Variants in NUAK1 observed in about 807,000 individuals in gnomAD.
NUAK1 encodes NUAK family kinase 1.
In NUAK1, 26 loss-of-function variants were observed where a neutral mutation model predicts 56.9. The ratio of observed to expected loss-of-function variants is 0.46; its 90% CI spans 0.33 to 0.63. NUAK1 has a LOEUF of 0.63. Ranked by LOEUF, NUAK1 falls within the 30% of genes least tolerant of loss-of-function variation. The probability of loss-of-function intolerance (pLI) is 0.02; values close to 1 mark genes in which losing one functional copy is unlikely to be tolerated. For synonymous variants in NUAK1, 337 were observed against 336.0 expected (o/e 1.00, Z -0.03); for missense variants, 727 against 876.1 (o/e 0.83, Z 2.15).
chr12:106,067,147 T>C lies in NUAK1; in HGVS notation c.1641A>G (p.Thr547=), dbSNP rs1592846416. The change falls in exon 7 of 7, where the codon ACA becomes ACG. Residue 547 remains threonine (T), a synonymous_variant. Transcript: ENST00000261402. This position sits in a 1 kb window ranked among gnomAD's most constrained non-coding sequence, Gnocchi z 6.0. ...DPALVSPEMP[T]LESLSEPGVP... is the part of the protein sequence containing the mutation. ...CACCAGGCTCTGACAGGGATTCCAG[T>C]GTGGGCATTTCAGGGCTGACCAGGG... is the stretch of plus-strand genomic sequence containing the variant. The C allele has an allele frequency of 1.2e-6, 2 of 1,613,918 alleles. No homozygotes were observed. The highest frequency in any genetic ancestry group is 1.7e-6 in the Non-Finnish European group (2 of 1,179,990).
chr12:106,086,357 G>A (rs775991693), intron 3 of NUAK1, among the ~76,000 whole-genome samples: 1 of 152,132 alleles, frequency 6.6e-6, no homozygotes, highest in African/African-American at 2.4e-5. Context: ...GGTCATTGGT[G>A]TCTCCATTTT....
intron 1 of NUAK1, among the ~76,000 whole-genome samples, chr12:106,120,878 G>GCCT (rs1323555444): frequency 2.0e-4 from 30 of 152,162 alleles, no homozygotes; most frequent in African/African-American, 6.8e-4. Context: ...GGCATGGATG[G>GCCT]GGCCACCTTC....
chr12:106,119,858 C>A (rs2032955789), intron 1 of NUAK1, among the ~76,000 whole-genome samples: 1 of 152,260 alleles, frequency 6.6e-6, no homozygotes, highest in African/African-American at 2.4e-5. Flanking sequence ...GTTTTCACTA[C>A]CTTCAAGGAA....
rs749572189 is a variant in NUAK1 at position 106,070,846 on chromosome 12, C to T, written c.760G>A (p.Asp254Asn). The stretch of plus-strand genomic sequence containing the variant: ...ATGAGGTTTTTGTGATCGAAACCAT[C>T]GAAGGGCATTGTTCCATAAACAAGA... ...YTLVYGTMPF[D>N]GFDHKNLIRQ... Residue 254 changes from aspartate (D) to asparagine (N), a missense_variant, in exon 6 of 7, where the codon GAT becomes AAT. Asp to Asn is a conservative substitution (Grantham distance 23). Coordinates refer to ENST00000261402, the MANE Select transcript of NUAK1 (RefSeq NM_014840.3). The T allele has an allele frequency of 3.1e-6, 5 of 1,614,156 alleles. No individual in the cohort carries two copies. The highest frequency in any genetic ancestry group is 1.7e-5 in the Admixed American group (1 of 60,022).
At chr12:106,116,899 G>A (rs1490765842) in intron 1 of NUAK1, among the ~76,000 whole-genome samples, 4 of 152,232 alleles carry the variant, frequency 2.6e-5, no homozygotes, top group Non-Finnish European at 4.4e-5. Flanking sequence ...GGGAGGGGCT[G>A]GGAGGCATGT....
chr12:106,131,677 T>C (rs540273302), intron 1 of NUAK1, among the ~76,000 whole-genome samples: 8 of 152,354 alleles, frequency 5.3e-5, no homozygotes, highest in Non-Finnish European at 5.9e-5. Context: ...CTAATAATAA[T>C]GCTCTATAGA....
chr12:106,082,047 C>G (rs2032523199), intron 4 of NUAK1, among the ~76,000 whole-genome samples: 1 of 152,238 alleles, frequency 6.6e-6, no homozygotes, highest in African/African-American at 2.4e-5. Flanking sequence ...TGGCCAGCCA[C>G]TTAAGAAGGC....
At chr12:106,082,777 A>G (rs1291972115) in intron 4 of NUAK1, among the ~76,000 whole-genome samples, 1 of 152,162 alleles carries the variant, frequency 6.6e-6, no homozygotes, top group African/African-American at 2.4e-5. Context: ...AGAGAATCCC[A>G]ACACCAAAGC....
chr12:106,126,039 T>C (rs1288844291), intron 1 of NUAK1, among the ~76,000 whole-genome samples: 1 of 152,172 alleles, frequency 6.6e-6, no homozygotes, highest in Non-Finnish European at 1.5e-5. Flanking sequence ...TCTGTCTTAA[T>C]TGATACTGAG....
intron 6 of NUAK1, among the ~76,000 whole-genome samples, chr12:106,068,347 C>T (rs2032366779): frequency 6.6e-6 from 1 of 152,214 alleles, no homozygotes; most frequent in Non-Finnish European, 1.5e-5. Flanking sequence ...AGAGGAAAAA[C>T]AGGTGTAGAT....
rs1360805230 is a variant in NUAK1 at position 106,138,312 on chromosome 12, T to C, written c.240+102A>G. ...GGCTTCCCAATGAGCCCCCTCTCTG[T>C]CAAGAGAGCCCCAGGGCGCACAGAC... On this transcript the variant is annotated intron_variant, in intron 1 of 6. Transcript: ENST00000261402. The surrounding 1 kb of genome is among the most constrained non-coding windows in gnomAD (Gnocchi z 5.0). 18 of 1,441,178 alleles carry C rather than the reference T, an allele frequency of 1.2e-5. No homozygotes were observed. Among genetic ancestry groups the C allele is most frequent in the Non-Finnish European group, 1.6e-5 (18 of 1,094,800 alleles). The allele number at this position is 1,441,178 out of a possible 1,614,324, so 89.3% of individuals were successfully genotyped here. A position where few individuals can be genotyped will look rare whatever the true frequency, so the allele number is the denominator to read the frequency against.
In NUAK1 at chr12:106,106,500, T is replaced by C. The variant is rs775635190; in HGVS notation, c.266A>G (p.Asp89Gly). The C allele has an allele frequency of 9.3e-6, 15 of 1,613,170 alleles. No individual in the cohort carries two copies. ...CATGTCTTGTTCATCCTTAATTTTG[T>C]CCTTACGAATGGATTTTATAGCAAC... is the stretch of plus-strand genomic sequence containing the variant. ...RVVAIKSIRK[D>G]KIKDEQDMVH... The change falls in exon 2 of 7, where the codon GAC becomes GGC. Residue 89 changes from aspartate (D) to glycine (G), a missense_variant. Physicochemically the swap from Asp to Gly is moderately conservative, Grantham distance 94. Transcript: ENST00000261402.
chr12:106,136,126 C>T (rs986719235), intron 1 of NUAK1, among the ~76,000 whole-genome samples: 32 of 152,302 alleles, frequency 2.1e-4, no homozygotes, highest in Admixed American at 1.6e-3. Context: ...GGCTAACATT[C>T]TGTAAGCTCA....
At chr12:106,083,769 G>A in intron 4 of NUAK1, 95 bp downstream of exon 4, 1 of 1,050,718 alleles carries the variant, frequency 9.5e-7, no homozygotes, top group East Asian at 2.4e-5. Flanking sequence ...GGAAGTGGCT[G>A]CCTTATTTCC....
chr12:106,091,104 A>C (rs1331008274), intron 2 of NUAK1, among the ~76,000 whole-genome samples: 1 of 152,190 alleles, frequency 6.6e-6, no homozygotes, highest in Non-Finnish European at 1.5e-5. Context: ...TCCCTTGGGC[A>C]CTTTTACAAC....
Position 106,063,689 on chromosome 12 carries a change from T to G in NUAK1, c.*3113A>C, listed in dbSNP as rs1424958218. 6.6e-6 allele frequency: 1 copy of G among 152,560 alleles called. No individual in the cohort carries two copies. 9.5% of individuals were successfully genotyped at this position (152,560 alleles called of 1,614,324 possible). A position where few individuals can be genotyped will look rare whatever the true frequency, so the allele number is the denominator to read the frequency against. On this transcript the variant is annotated 3_prime_UTR_variant, in exon 7 of 7. Coordinates refer to ENST00000261402, the MANE Select transcript of NUAK1 (RefSeq NM_014840.3). ...ATAAAAGTCACAATGTGGATTTTTT[T>G]TTTTTTTTAATGTGCAGTCAAGTTT...
intron 3 of NUAK1, among the ~76,000 whole-genome samples, chr12:106,085,435 A>C (rs897236286): frequency 6.6e-6 from 1 of 152,248 alleles, no homozygotes; most frequent in East Asian, 1.9e-4. Context: ...TCAATTAAAC[A>C]TAATATTTAA....
At chr12:106,071,507 T>A (rs1369707521) in intron 5 of NUAK1, among the ~76,000 whole-genome samples, 1 of 152,206 alleles carries the variant, frequency 6.6e-6, no homozygotes, top group Non-Finnish European at 1.5e-5. Context: ...CTTAGCTAAT[T>A]GCTGCCATGT....
At chr12:106,117,362 C>T (rs2032928279) in intron 1 of NUAK1, among the ~76,000 whole-genome samples, 1 of 152,212 alleles carries the variant, frequency 6.6e-6, no homozygotes, top group African/African-American at 2.4e-5. Context: ...ATTTCTATCC[C>T]TGTGTCTTTC....
Sources: gnomAD v4.1 joint callset for allele counts (sites outside exome capture counted in the v4.1 genomes callset) on GRCh38, gnomAD v4.1.1 for gene constraint, Gnocchi (gnomAD v3.1) non-coding constraint, MANE v1.5 for transcripts, NCBI Gene and HGNC (gene_info 2026-07-23, HGNC 2026-07-21) for gene names.